GRN: variants seen among roughly 807,000 people sequenced by gnomAD.
GRN encodes granulin precursor.
GRN carries 30 observed loss-of-function variants against 66.7 expected under a neutral mutation model. The ratio of observed to expected loss-of-function variants is 0.45; its 90% CI spans 0.34 to 0.61. The LOEUF is 0.61. GRN is among the 20% of genes least tolerant of loss of function. GRN has a pLI of 0.01. For synonymous variants in GRN, 327 were observed against 311.1 expected (o/e 1.05, Z -0.54); for missense variants, 731 against 803.5 (o/e 0.91, Z 1.09).
rs777211749 is a variant in GRN, at chr17:44,350,706, C to T, written c.614C>T (p.Ser205Leu). 6.2e-6 allele frequency: 10 copies of T among 1,613,820 alleles called. No individual in the cohort carries two copies. Among genetic ancestry groups the T allele is most frequent in the African/African-American group, 4.0e-5 (3 of 74,920 alleles). The change falls in exon 7 of 13, where the codon TCG becomes TTG. Residue 205 changes from serine (S) to leucine (L), a missense_variant. By Grantham distance (145) the Ser-to-Leu change is moderately radical. This residue lies in a region of GRN where 370 missense variants were observed against 379.8 expected (regional missense o/e 0.97). Coordinates refer to ENST00000053867, the MANE Select transcript of GRN (RefSeq NM_002087.4). ...CCTCTTCCAGTGGCCTTGTCCAGCTCGGTCATGTGTCCGGACGCACGGTCC... is the reference window on the plus strand; with the variant it reads ...CCTCTTCCAGTGGCCTTGTCCAGCTTGGTCATGTGTCCGGACGCACGGTCC... ...RTNRAVALSS[S>L]VMCPDARSRC... is the part of the protein sequence containing the mutation.
intron 1 of GRN, among the ~76,000 whole-genome samples, chr17:44,348,027 G>C (rs544614776): frequency 6.6e-6 from 1 of 151,908 alleles, no homozygotes; most frequent in African/African-American, 2.4e-5. Context: ...CTTGATCCCA[G>C]GAGTCTGAGT....
Position 44,352,324 on chromosome 17 carries a change from G to A in GRN, c.1414-17G>A. Reference sequence around the variant, plus strand: ...GGACAGGAACATAATGCCATTCTGTGCTCCCTTCCCCGCCAGGCTGTGTGC... The same window carrying A: ...GGACAGGAACATAATGCCATTCTGTACTCCCTTCCCCGCCAGGCTGTGTGC... On this transcript the variant is annotated splice_polypyrimidine_tract_variant and intron_variant, in intron 11 of 12. Transcript: ENST00000053867. 2 of 1,609,402 alleles carry A rather than the reference G, an allele frequency of 1.2e-6. No homozygotes were observed. The highest frequency in any genetic ancestry group is 1.7e-6 in the Non-Finnish European group (2 of 1,177,400).
chr17:44,352,886 A>T lies in GRN; in HGVS notation c.*88A>T. 1 of 1,282,948 alleles carries T rather than the reference A, an allele frequency of 7.8e-7. No homozygotes were observed. Among genetic ancestry groups the T allele is most frequent in the South Asian group, 1.2e-5 (1 of 81,836 alleles). 79.5% of individuals were successfully genotyped at this position (1,282,948 alleles called of 1,614,324 possible). On this transcript the variant is annotated 3_prime_UTR_variant, in exon 13 of 13. Transcript: ENST00000053867. ...CCTCCCTAGCACCTCCCCCTAACCA[A>T]ATTCTCCCTGGACCCCATTCTGAGC... is the stretch of plus-strand genomic sequence containing the variant.
In GRN at chr17:44,350,221, T is replaced by G; in HGVS notation, c.350-7T>G. 1 of 1,592,018 alleles carries G rather than the reference T, an allele frequency of 6.3e-7. No homozygotes were observed. ...GCTGGTAGTATCCTGGGTCATCTTG[T>G]CCACAGGTAACAACTCCGTGGGTGC... is the stretch of plus-strand genomic sequence containing the variant. On this transcript the variant is annotated splice_region_variant and splice_polypyrimidine_tract_variant and intron_variant, in intron 4 of 12. Coordinates refer to ENST00000053867, the MANE Select transcript of GRN (RefSeq NM_002087.4).
rs767399281 is a variant in GRN at position 44,349,724 on chromosome 17, G to C, written c.322G>C (p.Asp108His). ...CCCACGGGGCTTCCACTGCAGTGCA[G>C]ACGGGCGATCCTGCTTCCAAAGATC... ...CCPRGFHCSA[D>H]GRSCFQRSGN... The change falls in exon 4 of 13, where the codon GAC becomes CAC. Residue 108 changes from aspartate to histidine, a missense_variant. Physicochemically the swap from Asp to His is moderately conservative, Grantham distance 81. Around this residue, in one of 3 missense-constraint regions of GRN, gnomAD observed 370 missense variants for 379.8 expected, o/e 0.97. Transcript: ENST00000053867. 6.2e-7 allele frequency: 1 copy of C among 1,611,558 alleles called. No homozygotes were observed. The highest frequency in any genetic ancestry group is 1.1e-5 in the South Asian group (1 of 91,022).
chr17:44,352,369 G>A lies in GRN; in HGVS notation c.1442G>A (p.Cys481Tyr). ...HAVCCEDRQH[C>Y]CPAGYTCNVK... Reference sequence around the variant, plus strand: ...GTGTGCTGCGAGGATCGCCAGCACTGCTGCCCGGCTGGCTACACCTGCAAC... The same window carrying A: ...GTGTGCTGCGAGGATCGCCAGCACTACTGCCCGGCTGGCTACACCTGCAAC... The change falls in exon 12 of 13, where the codon TGC becomes TAC. Residue 481 changes from cysteine (C) to tyrosine (Y), a missense_variant. Cys to Tyr is a radical substitution (Grantham distance 194). This residue lies in a region of GRN where 319 missense variants were observed against 347.2 expected (regional missense o/e 0.92). Coordinates refer to ENST00000053867, the MANE Select transcript of GRN (RefSeq NM_002087.4). 6.2e-7 allele frequency: 1 copy of A among 1,613,612 alleles called. No homozygotes were observed. The highest frequency in any genetic ancestry group is 8.5e-7 in the Non-Finnish European group (1 of 1,179,988).
intron 1 of GRN, among the ~76,000 whole-genome samples, chr17:44,348,345 T>C (rs908488532): frequency 4.6e-5 from 7 of 152,092 alleles, no homozygotes; most frequent in Non-Finnish European, 8.8e-5. Context: ...GGCAGCCCAG[T>C]GGGCACACGT....
intron 1 of GRN, chr17:44,345,712 A>C (rs2048321888): frequency 6.6e-6 from 1 of 152,320 alleles, no homozygotes; most frequent in South Asian, 2.1e-4. Context: ...AGGGCCTGGG[A>C]ACGAGACCTG....
chr17:44,350,271 C>T lies in GRN; in HGVS notation c.393C>T (p.Phe131=), dbSNP rs149180605. The T allele has an allele frequency of 6.8e-6, 11 of 1,613,912 alleles. No homozygotes were observed. The highest frequency in any genetic ancestry group is 2.2e-5 in the East Asian group (1 of 44,864). The stretch of plus-strand genomic sequence containing the variant: ...CCATCCAGTGCCCTGATAGTCAGTT[C>T]GAATGCCCGGACTTCTCCACGTGCT... ...VGAIQCPDSQ[F]ECPDFSTCCV... is the part of the protein sequence containing the mutation. The change falls in exon 5 of 13, where the codon TTC becomes TTT. Residue 131 remains phenylalanine, a synonymous_variant. Coordinates refer to ENST00000053867, the MANE Select transcript of GRN (RefSeq NM_002087.4).
chr17:44,348,959 G>A (rs2048345430), intron 1 of GRN, among the ~76,000 whole-genome samples, 199 bp from the exon 2 acceptor site: 1 of 152,262 alleles, frequency 6.6e-6, no homozygotes, highest in Non-Finnish European at 1.5e-5. Context: ...ACATGCTGGG[G>A]CAAGTGTCAC....
intron 6 of GRN, 24 bp downstream of exon 6, chr17:44,350,601 G>A (rs1212824926): frequency 2.5e-6 from 4 of 1,613,150 alleles, no homozygotes; most frequent in Non-Finnish European, 3.4e-6. Flanking sequence ...AGAGCATCAG[G>A]CCAGGGGCTG....
At position 44,352,845 on chromosome 17, in the gene GRN, G is replaced by A. The variant is rs754564005; in HGVS notation, c.*47G>A. The A allele has an allele frequency of 6.3e-7, 1 of 1,593,136 alleles. No individual in the cohort carries two copies. Among genetic ancestry groups the A allele is most frequent in the Non-Finnish European group, 8.5e-7 (1 of 1,170,140 alleles). ...CAGCCCTCGGGACCCCACTCGGAGGGTGCCCTCTGCTCAGGCCTCCCTAGC... is the reference window on the plus strand; with the variant it reads ...CAGCCCTCGGGACCCCACTCGGAGGATGCCCTCTGCTCAGGCCTCCCTAGC... On this transcript the variant is annotated 3_prime_UTR_variant, in exon 13 of 13. Transcript: ENST00000053867.
Position 44,351,834 on chromosome 17 carries a change from G to C in GRN, c.1179+39G>C, listed in dbSNP as rs1229602108. 2.5e-6 allele frequency: 4 copies of C among 1,603,686 alleles called. No individual in the cohort carries two copies. The Admixed American group carries it at 5.0e-5, about 20-fold the overall frequency. ...GACAGCATCTTGGCCTGGGCAGGTG[G>C]GTGGCCAAGCTCCTATTGCTTTCTG... is the stretch of plus-strand genomic sequence containing the variant. On this transcript the variant is annotated intron_variant, in intron 10 of 12. Transcript: ENST00000053867.
rs78170123 is a variant in GRN, at chr17:44,349,783, G to C, written c.349+32G>C. The C allele has an allele frequency of 1.8e-3, 2,672 of 1,449,824 alleles. 32 individuals are homozygous for C. The African/African-American group carries it at 0.032, about 17-fold the overall frequency. 89.8% of individuals were successfully genotyped at this position (1,449,824 alleles called of 1,614,324 possible). On this transcript the variant is annotated intron_variant, in intron 4 of 12. Coordinates refer to ENST00000053867, the MANE Select transcript of GRN (RefSeq NM_002087.4). ...CTGGGGTGTGGGTGCAGGGCAGGCAGACGGGCAGCATGTGGAGTCTGGAAC... is the reference window on the plus strand; with the variant it reads ...CTGGGGTGTGGGTGCAGGGCAGGCACACGGGCAGCATGTGGAGTCTGGAAC...
chr17:44,348,839 G>A (rs899809168), intron 1 of GRN, among the ~76,000 whole-genome samples: 2 of 152,214 alleles, frequency 1.3e-5, no homozygotes, highest in Non-Finnish European at 2.9e-5. Flanking sequence ...CAAAAATCAC[G>A]TCTTCCTGAC....
chr17:44,352,682 C>T lies in GRN; in HGVS notation c.1666C>T (p.Arg556Cys), dbSNP rs63750116. The change falls in exon 13 of 13, where the codon CGC becomes TGC. Residue 556 changes from arginine to cysteine, a missense_variant. Around this residue, in one of 3 missense-constraint regions of GRN, gnomAD observed 319 missense variants for 347.2 expected, o/e 0.92. Coordinates refer to ENST00000053867, the MANE Select transcript of GRN (RefSeq NM_002087.4). ...YRQGVCCADR[R>C]HCCPAGFRCA... is the part of the protein sequence containing the mutation. ...CCAGGGCGTCTGTTGTGCTGATCGG[C>T]GCCACTGCTGTCCTGCTGGCTTCCG... The T allele has an allele frequency of 6.2e-6, 10 of 1,610,092 alleles. No homozygotes were observed. Among genetic ancestry groups the T allele is most frequent in the South Asian group, 2.2e-5 (2 of 91,086 alleles).
chr17:44,350,097 A>T (rs1035287809), intron 4 of GRN, 131 bp from the exon 5 acceptor site: 3 of 765,806 alleles, frequency 3.9e-6, no homozygotes, highest in Admixed American at 3.7e-5. Flanking sequence ...CTAGGAGATC[A>T]CTGAGCCTTA....
chr17:44,352,572 G>A lies in GRN; in HGVS notation c.1644+1G>A, dbSNP rs2143349147. 6.2e-7 allele frequency: 1 copy of A among 1,612,996 alleles called. No individual in the cohort carries two copies. The highest frequency in any genetic ancestry group is 8.5e-7 in the Non-Finnish European group (1 of 1,179,972). ...CTGGGCCTGCTGTCCCTACCGCCAG[G>A]TCAGTGCCAACCCCCATCCTGGGGC... is the stretch of plus-strand genomic sequence containing the variant. On this transcript the variant is annotated splice_donor_variant, in intron 12 of 12. Transcript: ENST00000053867. LOFTEE classifies it high-confidence loss of function.
chr17:44,349,620 T>C (rs2048353008), intron 3 of GRN, 47 bp from the exon 4 acceptor site: 1 of 1,611,234 alleles, frequency 6.2e-7, no homozygotes, highest in Non-Finnish European at 8.5e-7. Context: ...CTCTACCACC[T>C]GCAGATAAAA....
Sources: allele counts gnomAD v4.1 joint callset (sites outside exome capture counted in the v4.1 genomes callset), GRCh38; gene constraint gnomAD v4.1.1; regional missense constraint gnomAD v4.1.1; transcripts MANE v1.5; gene names NCBI Gene and HGNC (gene_info 2026-07-23, HGNC 2026-07-21).